Variants in TTBK2 observed in about 807,000 individuals in gnomAD.
TTBK2 encodes the protein tau-tubulin kinase 2.
In TTBK2, 28 loss-of-function variants were observed where a neutral mutation model predicts 110.8. That is an observed-to-expected ratio of 0.25 (90% CI 0.19 to 0.35). TTBK2 has a LOEUF of 0.35. Ranked by LOEUF, TTBK2 falls within the 10% of genes least tolerant of loss-of-function variation. The pLI, the probability that TTBK2 is intolerant of heterozygous loss-of-function variation, is 1.00. For synonymous variants in TTBK2, 532 were observed against 527.3 expected (o/e 1.01, Z -0.12); for missense variants, 1,369 against 1,500.3 (o/e 0.91, Z 1.45).
intron 1 of TTBK2, among the ~76,000 whole-genome samples, chr15:42,898,227 C>T (rs771033891): frequency 8.6e-5 from 13 of 151,974 alleles, no homozygotes; most frequent in Non-Finnish European, 1.9e-4. Flanking sequence ...ACTCATTTTG[C>T]CATAACTGAT....
intron 13 of TTBK2, among the ~76,000 whole-genome samples, chr15:42,754,641 C>A (rs1373901263): frequency 6.8e-6 from 1 of 147,818 alleles, no homozygotes; most frequent in Non-Finnish European, 1.5e-5. Flanking sequence ...AGGTGATCCA[C>A]CCACCTCGGC....
chr15:42,744,056 A>G lies in TTBK2; in HGVS notation c.*1739T>C, dbSNP rs1018706614. On this transcript the variant is annotated 3_prime_UTR_variant, in exon 15 of 15. Coordinates refer to ENST00000267890, the MANE Select transcript of TTBK2 (RefSeq NM_173500.4). ...TATAGCAACTATTATACAATATAAT[A>G]CAGAAGGACTGATCTTCCAATATTA... The G allele has an allele frequency of 9.2e-5, 14 of 152,344 alleles. No homozygotes were observed. The highest frequency in any genetic ancestry group is 3.1e-4 in the African/African-American group (13 of 41,588). The allele number at this position is 152,344 out of a possible 1,614,324, so 9.4% of individuals were successfully genotyped here.
chr15:42,816,318 T>C (rs1017752579), intron 7 of TTBK2, among the ~76,000 whole-genome samples: 45 of 150,954 alleles, frequency 3.0e-4, no homozygotes, highest in African/African-American at 1.0e-3. Context: ...GGTTTCACTA[T>C]GCTGGTCAGG....
rs781607577 is a variant in TTBK2, at chr15:42,752,534, G to T, written c.2712C>A (p.Gly904=). ...TTCTAGGGGTGATTTTCTCTCTCTTGCCCTCTTGGTGCAAAAAAGTAGAGA... is the reference window on the plus strand; with the variant it reads ...TTCTAGGGGTGATTTTCTCTCTCTTTCCCTCTTGGTGCAAAAAAGTAGAGA... ...GDLSTFLHQE[G]KREKITPRNG... is the part of the protein sequence containing the mutation. The change falls in exon 14 of 15, where the codon GGC becomes GGA. Residue 904 remains glycine, a synonymous_variant. Transcript: ENST00000267890. 2 of 1,614,068 alleles carry T rather than the reference G, an allele frequency of 1.2e-6. No homozygotes were observed. Among genetic ancestry groups the T allele is most frequent in the Non-Finnish European group, 1.7e-6 (2 of 1,180,022 alleles).
chr15:42,761,583 C>CAA lies in TTBK2; in HGVS notation c.1999-8338_1999-8337dup, dbSNP rs201258034. ...TAAGAAACTCAAACATCTCAACAGC[C>CAA]AAAAAAAAAAAAAAGGAAAGAAAAA... is the stretch of plus-strand genomic sequence containing the variant. On this transcript the variant is annotated intron_variant, in intron 13 of 14. Transcript: ENST00000267890. Among the ~76,000 whole-genome samples, 59 of 104,316 alleles carry CAA rather than the reference C, an allele frequency of 5.7e-4. 1 individual carries two copies. The highest frequency in any genetic ancestry group is 1.1e-3 in the Non-Finnish European group (53 of 50,260). 68.4% of individuals were successfully genotyped at this position (104,316 alleles called of 152,430 possible).
chr15:42,809,168 G>T (rs10220875), intron 9 of TTBK2, among the ~76,000 whole-genome samples: 10,753 of 152,204 alleles, frequency 0.071, 1,111 homozygotes, highest in African/African-American at 0.22. Context: ...TCACTGCTTA[G>T]GAAAGATCAC....
At position 42,817,955 on chromosome 15, in the gene TTBK2, G is replaced by T. The variant is rs144570063; in HGVS notation, c.538-858C>A. On this transcript the variant is annotated intron_variant, in intron 6 of 14. Coordinates refer to ENST00000267890, the MANE Select transcript of TTBK2 (RefSeq NM_173500.4). ...CTTAATCATCCTAATCTAAAATACT[G>T]CTCCCCCATCTGTGGTGCCACTCTA... Among the ~76,000 whole-genome samples the T allele has an allele frequency of 2.0e-3, 311 of 152,140 alleles. 6 individuals are homozygous for T. The East Asian group carries it at 0.044, about 21-fold the overall frequency.
chr15:42,776,138 C>G (rs1407672549), intron 12 of TTBK2, among the ~76,000 whole-genome samples: 1 of 152,134 alleles, frequency 6.6e-6, no homozygotes, highest in Non-Finnish European at 1.5e-5. Flanking sequence ...GAAGAACACA[C>G]ATATGTGAAG....
rs73410972 is a variant in TTBK2, at chr15:42,751,857, A to G, written c.3272+117T>C. On this transcript the variant is annotated intron_variant, in intron 14 of 14. Coordinates refer to ENST00000267890, the MANE Select transcript of TTBK2 (RefSeq NM_173500.4). ...CTAGGCTGTAAGGCCTGGGAAAGGC[A>G]GGAAAGAAAGATACTGAGAAGGGGG... 0.023 allele frequency: 29,803 copies of G among 1,298,756 alleles called. 1,348 individuals are homozygous for G. The highest frequency in any genetic ancestry group is 0.18 in the African/African-American group (12,510 of 68,928). The allele number at this position is 1,298,756 out of a possible 1,614,324, so 80.5% of individuals were successfully genotyped here.
intron 1 of TTBK2, among the ~76,000 whole-genome samples, chr15:42,913,554 C>A (rs1260509267): frequency 3.3e-5 from 5 of 151,946 alleles, no homozygotes; most frequent in Admixed American, 3.3e-4. Context: ...AGGAGAATGG[C>A]GTGAACCCGG....
Position 42,832,857 on chromosome 15 carries a change from A to C in TTBK2, c.292-2779T>G, listed in dbSNP as rs1236579231. ...AGGGTTCAGTATGATCTGTGGTTTT[A>C]GGCATCCACTTGGGGCCTTAGAAAG... On this transcript the variant is annotated intron_variant, in intron 4 of 14. Transcript: ENST00000267890. 2.6e-5 allele frequency among the ~76,000 whole-genome samples: 4 copies of C among 152,272 alleles called. No homozygotes were observed. The South Asian group carries it at 6.2e-4, about 24-fold the overall frequency.
At chr15:42,851,092 A>AAAAAAAT in intron 3 of TTBK2, among the ~76,000 whole-genome samples, 1 of 151,494 alleles carries the variant, frequency 6.6e-6, no homozygotes, top group Non-Finnish European at 1.5e-5. Flanking sequence ...ATAAAAAAAT[A>AAAAAAAT]AAAAAATTAG....
At chr15:42,816,852 G>A (rs1892051289) in intron 7 of TTBK2, among the ~76,000 whole-genome samples, 180 bp downstream of exon 7, 1 of 151,996 alleles carries the variant, frequency 6.6e-6, no homozygotes, top group Non-Finnish European at 1.5e-5. Context: ...CCGGGAGGCA[G>A]AGGTTGCGGT....
At chr15:42,843,892 C>T (rs917439227) in intron 3 of TTBK2, among the ~76,000 whole-genome samples, 1 of 152,098 alleles carries the variant, frequency 6.6e-6, no homozygotes, top group African/African-American at 2.4e-5. Context: ...AGGCGTCCCC[C>T]ACCCAGGGAA....
chr15:42,831,242 T>C (rs1054899882), intron 4 of TTBK2, among the ~76,000 whole-genome samples: 1 of 152,076 alleles, frequency 6.6e-6, no homozygotes, highest in Admixed American at 6.6e-5. Context: ...TGTGTGTTTT[T>C]TGTTTTTTAA....
chr15:42,751,531 G>GT (rs1434396281), intron 14 of TTBK2, among the ~76,000 whole-genome samples: 3 of 152,212 alleles, frequency 2.0e-5, no homozygotes, highest in Non-Finnish European at 4.4e-5. Flanking sequence ...GGGGCCAGGA[G>GT]TTTGAGACCA....
chr15:42,886,543 T>C (rs1306557125), intron 1 of TTBK2, among the ~76,000 whole-genome samples: 1 of 152,162 alleles, frequency 6.6e-6, no homozygotes, highest in Non-Finnish European at 1.5e-5. Flanking sequence ...GCTGCCTTAT[T>C]CTTAATATGC....
intron 1 of TTBK2, among the ~76,000 whole-genome samples, chr15:42,900,593 G>A (rs562832821): frequency 3.3e-5 from 5 of 152,024 alleles, no homozygotes; most frequent in Admixed American, 6.6e-5. Flanking sequence ...ATGGTGGTGC[G>A]TGCCTATAGT....
chr15:42,817,989 C>A (rs1349895417), intron 6 of TTBK2, among the ~76,000 whole-genome samples: 1 of 152,144 alleles, frequency 6.6e-6, no homozygotes, highest in East Asian at 1.9e-4. Context: ...TATTCTTTTA[C>A]TCTGCTTTCT....
Sources: allele counts gnomAD v4.1 joint callset (sites outside exome capture counted in the v4.1 genomes callset), GRCh38; gene constraint gnomAD v4.1.1; transcripts MANE v1.5; gene names NCBI Gene and HGNC (gene_info 2026-07-23, HGNC 2026-07-21).